FSTL4: variants seen among roughly 807,000 people sequenced by gnomAD.
FSTL4 encodes the protein follistatin like 4.
A neutral mutation model predicts 78.2 loss-of-function variants in FSTL4; 28 were observed. The observed-to-expected ratio is 0.36, with a 90% CI of 0.27 to 0.49. The LOEUF (loss-of-function observed/expected upper bound fraction) is 0.49. Among genes scored for constraint, FSTL4 ranks in the 20% least tolerant of loss-of-function variants. The pLI, the probability that FSTL4 is intolerant of heterozygous loss-of-function variation, is 0.98. For missense variants in FSTL4, 922 were observed against 1,084.9 expected (o/e 0.85, Z 2.11); for synonymous variants, 422 against 440.5 (o/e 0.96, Z 0.53).
chr5:133,784,878 T>C, the FSTL4 span, among the ~76,000 whole-genome samples: 2 of 152,126 alleles, frequency 1.3e-5, no homozygotes, highest in South Asian at 2.1e-4. Context: ...TTCTTCTAAA[T>C]GAAATTGTGA....
intron 3 of FSTL4, among the ~76,000 whole-genome samples, chr5:133,445,607 G>C (rs1267972815): frequency 6.6e-6 from 1 of 152,172 alleles, no homozygotes; most frequent in Non-Finnish European, 1.5e-5. Flanking sequence ...GAGCCAGTTG[G>C]CCCCACCTGG....
intron 4 of FSTL4, among the ~76,000 whole-genome samples, chr5:133,334,718 C>A (rs751050105): frequency 2.0e-5 from 3 of 152,160 alleles, no homozygotes; most frequent in Non-Finnish European, 4.4e-5. Context: ...CAAGCCCAGG[C>A]CTAGGTACAT....
At chr5:133,389,347 G>A (rs773938789) in intron 4 of FSTL4, among the ~76,000 whole-genome samples, 6 of 152,246 alleles carry the variant, frequency 3.9e-5, no homozygotes, top group Non-Finnish European at 5.9e-5. Context: ...TCACTGCCAC[G>A]ACATATTGCA....
chr5:133,340,381 C>T (rs528551023), intron 4 of FSTL4, among the ~76,000 whole-genome samples: 1 of 152,182 alleles, frequency 6.6e-6, no homozygotes, highest in African/African-American at 2.4e-5. Context: ...AGGAAACCTC[C>T]AGGGGTTTGA....
At chr5:133,433,653 G>GT (rs1352415224) in intron 3 of FSTL4, among the ~76,000 whole-genome samples, 3 of 152,168 alleles carry the variant, frequency 2.0e-5, no homozygotes, top group Non-Finnish European at 2.9e-5. Context: ...TCAGATGGTC[G>GT]TGAGTGCAGA....
intron 4 of FSTL4, among the ~76,000 whole-genome samples, chr5:133,371,129 C>T (rs1755288995): frequency 6.6e-6 from 1 of 152,204 alleles, no homozygotes; most frequent in African/African-American, 2.4e-5. Context: ...AGGGACAGCG[C>T]ACAGAGGGCC....
the FSTL4 span, among the ~76,000 whole-genome samples, chr5:133,765,013 C>T: frequency 6.6e-6 from 1 of 152,204 alleles, no homozygotes. Flanking sequence ...CGCTTTATGC[C>T]GTCCCTATGC....
chr5:133,353,113 T>C (rs1754865709), intron 4 of FSTL4, among the ~76,000 whole-genome samples: 1 of 152,236 alleles, frequency 6.6e-6, no homozygotes, highest in South Asian at 2.1e-4. Context: ...TTGGCATCTA[T>C]TAACTTCCCA....
At chr5:133,650,897 C>T in the FSTL4 span, among the ~76,000 whole-genome samples, 2 of 152,182 alleles carry the variant, frequency 1.3e-5, no homozygotes, top group African/African-American at 2.4e-5. Flanking sequence ...AATATCTCTT[C>T]ATTTAGTTTT....
Position 133,331,358 on chromosome 5 carries a change from G to A in FSTL4, c.410-14706C>T, listed in dbSNP as rs144429169. Among the ~76,000 whole-genome samples the A allele has an allele frequency of 3.9e-5, 6 of 152,240 alleles. No homozygotes were observed. In the East Asian group the frequency reaches 1.2e-3, roughly 29 times the overall value. The stretch of plus-strand genomic sequence containing the variant: ...TTCTGAGCCAAGCCAAAGAGTCACT[G>A]GGTTTTCAAGACAACAAGCAGAGAT... On this transcript the variant is annotated intron_variant, in intron 4 of 15. Coordinates refer to ENST00000265342, the MANE Select transcript of FSTL4 (RefSeq NM_015082.2).
chr5:133,753,727 G>GTGTGTGTGTGTA, the FSTL4 span, among the ~76,000 whole-genome samples: 3,284 of 134,642 alleles, frequency 0.024, 70 homozygotes, highest in Admixed American at 0.044. Flanking sequence ...GTGTGTGTGT[G>GTGTGTGTGTGTA]TAGTGGCAGG....
chr5:133,781,170 T>A, the FSTL4 span, among the ~76,000 whole-genome samples: 1 of 152,134 alleles, frequency 6.6e-6, no homozygotes, highest in African/African-American at 2.4e-5. Flanking sequence ...TGCTGCCCCA[T>A]GGCTGAGGAA....
the FSTL4 span, among the ~76,000 whole-genome samples, chr5:133,654,686 G>A: frequency 6.6e-6 from 1 of 152,298 alleles, no homozygotes; most frequent in Non-Finnish European, 1.5e-5. Context: ...AGGACTCCCA[G>A]GGCTGAGTTC....
the FSTL4 span, among the ~76,000 whole-genome samples, chr5:133,635,839 A>G: frequency 2.6e-5 from 4 of 152,340 alleles, no homozygotes; most frequent in African/African-American, 7.2e-5. Flanking sequence ...GAGTGAAAAT[A>G]TCATCACTCC....
chr5:133,386,067 C>T (rs10076566), intron 4 of FSTL4, among the ~76,000 whole-genome samples: 7,007 of 152,240 alleles, frequency 0.046, 535 homozygotes, highest in African/African-American at 0.16. Context: ...GTCATTAAAC[C>T]TCTGTGAGCC....
At chr5:133,221,021 C>T in intron 11 of FSTL4, 155 bp from the exon 12 acceptor site, 1 of 712,474 alleles carries the variant, frequency 1.4e-6, no homozygotes, top group Non-Finnish European at 2.5e-6. Flanking sequence ...GAATGAGCAG[C>T]CAGCTTGTAG....
intron 3 of FSTL4, among the ~76,000 whole-genome samples, chr5:133,449,590 C>G (rs1337614050): frequency 6.6e-6 from 1 of 152,148 alleles, no homozygotes; most frequent in Admixed American, 6.5e-5. Flanking sequence ...CAGACAGTGA[C>G]TGAAAGGGCG....
chr5:133,291,930 C>T (rs1317111956), intron 6 of FSTL4, among the ~76,000 whole-genome samples: 2 of 152,188 alleles, frequency 1.3e-5, no homozygotes, highest in African/African-American at 2.4e-5. Flanking sequence ...GCAAGCCCTG[C>T]GATTTCAGAC....
the FSTL4 span, among the ~76,000 whole-genome samples, chr5:133,631,611 C>A: frequency 1.3e-5 from 2 of 152,056 alleles, no homozygotes; most frequent in African/African-American, 4.8e-5. Flanking sequence ...GGATCTAGAA[C>A]CAGAAATACC....
Sources: allele counts gnomAD v4.1 joint callset (sites outside exome capture counted in the v4.1 genomes callset), GRCh38; gene constraint gnomAD v4.1.1; transcripts MANE v1.5; gene names NCBI Gene and HGNC (gene_info 2026-07-23, HGNC 2026-07-21).